The following TAFA1 variants were observed in gnomAD, a reference collection of about 807,000 sequenced individuals.
TAFA1 encodes chemokine-like protein TAFA-1.
TAFA1 carries 4 observed loss-of-function variants against 18.5 expected under a neutral mutation model. The observed-to-expected ratio is 0.22, with a 90% CI of 0.11 to 0.49. TAFA1 has a LOEUF of 0.49. Ranked by LOEUF, TAFA1 falls within the 20% of genes least tolerant of loss-of-function variation. TAFA1 has a pLI of 0.98. For synonymous variants in TAFA1, 56 were observed against 55.2 expected (o/e 1.01, Z -0.06); for missense variants, 147 against 169.0 (o/e 0.87, Z 0.72).
intron 3 of TAFA1, among the ~76,000 whole-genome samples, chr3:68,425,679 G>T (rs775557879): frequency 1.3e-5 from 2 of 151,888 alleles, no homozygotes; most frequent in Admixed American, 6.6e-5. Flanking sequence ...GTCTACGTTT[G>T]TTCCTCCTAA....
intron 2 of TAFA1, among the ~76,000 whole-genome samples, chr3:68,315,488 C>T (rs2068592531): frequency 6.6e-6 from 1 of 152,118 alleles, no homozygotes; most frequent in South Asian, 2.1e-4. Flanking sequence ...TAAAAATTCT[C>T]CTAAAGATAC....
At chr3:68,400,605 C>A (rs1157463920) in intron 2 of TAFA1, among the ~76,000 whole-genome samples, 6 of 152,160 alleles carry the variant, frequency 3.9e-5, no homozygotes, top group Admixed American at 3.9e-4. Context: ...CTATTCCTCT[C>A]TAAACAATCA....
intron 2 of TAFA1, among the ~76,000 whole-genome samples, chr3:68,133,951 G>C (rs142192129): frequency 2.5e-4 from 38 of 152,040 alleles, no homozygotes; most frequent in African/African-American, 8.9e-4. Context: ...CACAAAAGAT[G>C]AAGATATTTC....
rs554990235 is a variant in TAFA1, at chr3:68,093,419, A to G, written c.118+86675A>G. Reference sequence around the variant, plus strand: ...ATTTCAGCTCTGAGGAAGACCTTAAAAACTTCCCTAGCACACCCATGGCAG... The same window carrying G: ...ATTTCAGCTCTGAGGAAGACCTTAAGAACTTCCCTAGCACACCCATGGCAG... On this transcript the variant is annotated intron_variant, in intron 2 of 4. Transcript: ENST00000478136. 5.9e-5 allele frequency among the ~76,000 whole-genome samples: 9 copies of G among 152,210 alleles called. No homozygotes were observed. In the South Asian group the frequency reaches 1.9e-3, roughly 32 times the overall value.
chr3:68,304,178 A>G (rs2068363509), intron 2 of TAFA1, among the ~76,000 whole-genome samples: 1 of 152,216 alleles, frequency 6.6e-6, no homozygotes, highest in Admixed American at 6.5e-5. Flanking sequence ...AAAATACACA[A>G]TAGCTGTGTG....
At chr3:68,532,398 C>T (rs923189823) in intron 3 of TAFA1, among the ~76,000 whole-genome samples, 4 of 152,128 alleles carry the variant, frequency 2.6e-5, no homozygotes, top group Non-Finnish European at 5.9e-5. Flanking sequence ...CTCTGTCAGA[C>T]TTTAAAAGTG....
intron 2 of TAFA1, among the ~76,000 whole-genome samples, chr3:68,114,227 G>A (rs2065299477): frequency 6.6e-6 from 1 of 152,006 alleles, no homozygotes; most frequent in Admixed American, 6.6e-5. Flanking sequence ...TCCTAAGCTG[G>A]CCAATTGCCA....
At chr3:68,421,730 A>C (rs73109080) in intron 3 of TAFA1, among the ~76,000 whole-genome samples, 23,170 of 152,064 alleles carry the variant, frequency 0.15, 2,222 homozygotes, top group East Asian at 0.33. Flanking sequence ...CTTCTATATA[A>C]TGTTTTTTGC....
In TAFA1 at chr3:68,498,722, C is replaced by CTTTTTTTT. The variant is rs34030223; in HGVS notation, c.260-40006_260-39999dup. 9.2e-4 allele frequency among the ~76,000 whole-genome samples: 89 copies of CTTTTTTTT among 96,988 alleles called. 11 individuals carry two copies. Among genetic ancestry groups the CTTTTTTTT allele is most frequent in the East Asian group, 3.6e-3 (12 of 3,364 alleles). 63.6% of individuals were successfully genotyped at this position (96,988 alleles called of 152,430 possible). ...AATTCCTCCCAAAGCCGTTTGGTGGCTTTTTTTTTTTTTTTTTTTTTTTTT... is the reference window on the plus strand; with the variant it reads ...AATTCCTCCCAAAGCCGTTTGGTGGCTTTTTTTTTTTTTTTTTTTTTTTTTTTTTTTTT... On this transcript the variant is annotated intron_variant, in intron 3 of 4. Transcript: ENST00000478136.
In TAFA1 at chr3:68,477,406, C is replaced by A. The variant is rs527432757; in HGVS notation, c.259+59986C>A. ...AATTCTTTTTTGAGATGGAGTTTTG[C>A]TTTTGTCGCCCAGGCTGGAGTGCAG... On this transcript the variant is annotated intron_variant, in intron 3 of 4. Transcript: ENST00000478136. Among the ~76,000 whole-genome samples the A allele has an allele frequency of 5.3e-4, 80 of 152,096 alleles. 1 individual carries two copies. Among genetic ancestry groups the A allele is most frequent in the Non-Finnish European group, 1.0e-3 (69 of 67,982 alleles).
chr3:68,172,664 A>G (rs941065621), intron 2 of TAFA1, among the ~76,000 whole-genome samples: 1 of 152,190 alleles, frequency 6.6e-6, no homozygotes, highest in Non-Finnish European at 1.5e-5. Flanking sequence ...AGTTGTATAT[A>G]CAAGAGAATA....
At chr3:68,278,128 T>G (rs1391227684) in intron 2 of TAFA1, among the ~76,000 whole-genome samples, 1 of 152,140 alleles carries the variant, frequency 6.6e-6, no homozygotes, top group Non-Finnish European at 1.5e-5. Flanking sequence ...CTCAATTGCC[T>G]TTCAAAAAGG....
At chr3:68,416,694 A>G (rs904742896) in intron 2 of TAFA1, among the ~76,000 whole-genome samples, 1 of 152,216 alleles carries the variant, frequency 6.6e-6, no homozygotes, top group African/African-American at 2.4e-5. Context: ...TATGACCAGG[A>G]CTGCAATTTG....
chr3:68,215,093 G>T (rs369550678), intron 2 of TAFA1, among the ~76,000 whole-genome samples: 2 of 152,108 alleles, frequency 1.3e-5, no homozygotes, highest in Non-Finnish European at 1.5e-5. Flanking sequence ...ATGCTAAGGA[G>T]GTTTCACTGT....
At position 68,305,473 on chromosome 3, in the gene TAFA1, G is replaced by C. The variant is rs1442835284; in HGVS notation, c.119-111807G>C. Among the ~76,000 whole-genome samples the C allele has an allele frequency of 5.2e-5, 6 of 116,490 alleles. 1 individual carries two copies. The Admixed American group carries it at 5.9e-4, about 12-fold the overall frequency. 76.4% of individuals were successfully genotyped at this position (116,490 alleles called of 152,430 possible). The stretch of plus-strand genomic sequence containing the variant: ...TATATATATAGGTAGAAGGGGTTAG[G>C]ACTTCAATTTATCTTTTGGGGAGAC... On this transcript the variant is annotated intron_variant, in intron 2 of 4. Coordinates refer to ENST00000478136, the MANE Select transcript of TAFA1 (RefSeq NM_213609.4).
chr3:68,467,751 T>C (rs2071916993), intron 3 of TAFA1, among the ~76,000 whole-genome samples: 1 of 152,154 alleles, frequency 6.6e-6, no homozygotes. Context: ...GAACCTGGTT[T>C]CAAGGGTGAG....
chr3:68,167,988 A>G (rs561147463), intron 2 of TAFA1, among the ~76,000 whole-genome samples: 8 of 152,278 alleles, frequency 5.3e-5, no homozygotes, highest in African/African-American at 1.4e-4. Flanking sequence ...ACCTAAATGT[A>G]AAAGTCACTT....
intron 2 of TAFA1, among the ~76,000 whole-genome samples, chr3:68,317,095 A>C (rs1186167393): frequency 6.6e-6 from 1 of 152,196 alleles, no homozygotes; most frequent in Non-Finnish European, 1.5e-5. Flanking sequence ...AAGGGTCAAT[A>C]ATTTGGCAAT....
intron 2 of TAFA1, among the ~76,000 whole-genome samples, chr3:68,370,494 A>ACGTG (rs1270882699): frequency 2.5e-5 from 2 of 81,244 alleles, no homozygotes; most frequent in African/African-American, 8.3e-5. Context: ...ATATATATAT[A>ACGTG]TATATATATA....
Sources: allele counts gnomAD v4.1 joint callset (sites outside exome capture counted in the v4.1 genomes callset), GRCh38; gene constraint gnomAD v4.1.1; transcripts MANE v1.5; gene names NCBI Gene and HGNC (gene_info 2026-07-23, HGNC 2026-07-21).